Variants in KCNJ3 observed in about 807,000 individuals in gnomAD.
KCNJ3 encodes potassium inwardly rectifying channel subfamily J member 3, also known as G protein-activated inward rectifier potassium channel 1.
Under a neutral mutation model 39.2 loss-of-function variants are expected in KCNJ3, and 4 were observed. The observed-to-expected ratio is 0.10, with a 90% confidence interval of 0.05 to 0.23. The LOEUF (loss-of-function observed/expected upper bound fraction) is 0.23. Among genes scored for constraint, KCNJ3 ranks in the 10% least tolerant of loss-of-function variants. The probability of loss-of-function intolerance (pLI) is 1.00; values close to 1 mark genes in which losing one functional copy is unlikely to be tolerated. For missense variants in KCNJ3, 276 were observed against 634.9 expected, an observed-to-expected ratio of 0.43 and a Z score of 6.08; for synonymous variants, 230 against 237.4, an observed-to-expected ratio of 0.97 and a Z score of 0.29.
intron 2 of KCNJ3, among the ~76,000 whole-genome samples, chr2:154,725,258 T>C (rs1033890184): frequency 1.3e-5 from 2 of 150,246 alleles, no homozygotes; most frequent in African/African-American, 4.9e-5. Context: ...TCCAAACTTC[T>C]CTTCTATAGA....
chr2:154,743,922 T>C (rs1370512489), intron 2 of KCNJ3, among the ~76,000 whole-genome samples: 1 of 151,592 alleles, frequency 6.6e-6, no homozygotes, highest in East Asian at 1.9e-4. Context: ...TTCTCTATCT[T>C]AAAAAGCAGC....
At chr2:154,834,601 C>G (rs1687417100) in intron 2 of KCNJ3, among the ~76,000 whole-genome samples, 1 of 151,770 alleles carries the variant, frequency 6.6e-6, no homozygotes, top group Admixed American at 6.6e-5. Flanking sequence ...TGGTGGCGGG[C>G]GCCTGTAATC....
intron 2 of KCNJ3, among the ~76,000 whole-genome samples, chr2:154,735,207 C>T (rs1048338963): frequency 1.3e-5 from 2 of 152,002 alleles, no homozygotes; most frequent in African/African-American, 4.8e-5. Flanking sequence ...CTGCCTCACC[C>T]TCCTGAGTAG....
At chr2:154,709,244 AT>A (rs1248819333) in intron 1 of KCNJ3, 2 of 222,744 alleles carry the variant, frequency 9.0e-6, no homozygotes, top group Non-Finnish European at 1.8e-5. Flanking sequence ...GAGAAAAAAA[AT>A]ATCTGGCATG....
intron 2 of KCNJ3, among the ~76,000 whole-genome samples, chr2:154,727,611 G>GAAAAAAAAAT (rs1558857832): frequency 8.3e-6 from 1 of 120,368 alleles, no homozygotes; most frequent in Non-Finnish European, 1.6e-5. Flanking sequence ...AAAAAAAAAA[G>GAAAAAAAAAT]AGAGAAAAAG....
chr2:154,738,244 T>C (rs1296094778), intron 2 of KCNJ3, among the ~76,000 whole-genome samples: 1 of 151,900 alleles, frequency 6.6e-6, no homozygotes, highest in African/African-American at 2.4e-5. Context: ...CTCAAGGAGA[T>C]AGAGAGCAGA....
At chr2:154,790,379 T>C (rs1483406468) in intron 2 of KCNJ3, among the ~76,000 whole-genome samples, 1 of 152,100 alleles carries the variant, frequency 6.6e-6, no homozygotes, top group Non-Finnish European at 1.5e-5. Flanking sequence ...GTTGTTTTTC[T>C]AACGGTATTG....
intron 2 of KCNJ3, among the ~76,000 whole-genome samples, chr2:154,787,966 T>C (rs1159164342): frequency 1.3e-5 from 2 of 152,162 alleles, no homozygotes; most frequent in Non-Finnish European, 2.9e-5. Flanking sequence ...AAAAACTCTT[T>C]GATGAGACAG....
intron 2 of KCNJ3, among the ~76,000 whole-genome samples, chr2:154,766,984 G>A (rs572598728): frequency 3.1e-4 from 47 of 151,974 alleles, no homozygotes; most frequent in African/African-American, 1.1e-3. Flanking sequence ...TTAATATCTA[G>A]ATATTAATAC....
At chr2:154,767,266 A>G (rs960176536) in intron 2 of KCNJ3, among the ~76,000 whole-genome samples, 6 of 151,928 alleles carry the variant, frequency 3.9e-5, no homozygotes, top group Non-Finnish European at 7.4e-5. Flanking sequence ...TACATGTGCC[A>G]TGTTGGTGTG....
chr2:154,801,966 C>T (rs1686827618), intron 2 of KCNJ3, among the ~76,000 whole-genome samples: 1 of 152,112 alleles, frequency 6.6e-6, no homozygotes, highest in African/African-American at 2.4e-5. Flanking sequence ...AAACAAAACA[C>T]AACAACAACA....
rs749340043 is a variant in KCNJ3, at chr2:154,854,676, C to T, written c.920-51C>T. 2.5e-5 allele frequency: 35 copies of T among 1,392,476 alleles called. No individual in the cohort carries two copies. In the South Asian group the frequency reaches 4.5e-4, roughly 18 times the overall value. 86.3% of individuals were successfully genotyped at this position (1,392,476 alleles called of 1,614,324 possible). A position where few individuals can be genotyped will look rare whatever the true frequency, so the allele number is the denominator to read the frequency against. On this transcript the variant is annotated intron_variant, in intron 2 of 2. Coordinates refer to ENST00000295101, the MANE Select transcript of KCNJ3 (RefSeq NM_002239.4). ...AATTATTTAGGCCAAACCGGCTTTA[C>T]ATGTGCTTCCACTATGCATAATTTA...
chr2:154,747,018 G>C (rs1685756677), intron 2 of KCNJ3, among the ~76,000 whole-genome samples: 2 of 151,764 alleles, frequency 1.3e-5, no homozygotes, highest in South Asian at 4.1e-4. Context: ...AAAGAACAGG[G>C]AAGTCCCATT....
chr2:154,781,291 G>A (rs950662305), intron 2 of KCNJ3, among the ~76,000 whole-genome samples: 2 of 152,160 alleles, frequency 1.3e-5, no homozygotes, highest in Non-Finnish European at 2.9e-5. Context: ...TAAGTTTGTG[G>A]TAATTTGTTA....
chr2:154,755,782 A>T (rs1271430677), intron 2 of KCNJ3, among the ~76,000 whole-genome samples: 1 of 152,070 alleles, frequency 6.6e-6, no homozygotes, highest in Non-Finnish European at 1.5e-5. Flanking sequence ...TAGAAAATGT[A>T]ACAAATAATT....
intron 2 of KCNJ3, among the ~76,000 whole-genome samples, chr2:154,733,363 A>T (rs74486227): frequency 6.6e-6 from 1 of 152,122 alleles, no homozygotes; most frequent in Non-Finnish European, 1.5e-5. Flanking sequence ...ATGAACATTT[A>T]TAATAAACAG....
chr2:154,756,771 A>G (rs1685944439), intron 2 of KCNJ3, among the ~76,000 whole-genome samples: 1 of 152,066 alleles, frequency 6.6e-6, no homozygotes, highest in South Asian at 2.1e-4. Context: ...AAAAATAAAT[A>G]AAATAAAATA....
chr2:154,815,074 C>T (rs971216179), intron 2 of KCNJ3, among the ~76,000 whole-genome samples: 2 of 152,146 alleles, frequency 1.3e-5, no homozygotes, highest in African/African-American at 2.4e-5. Flanking sequence ...AATAGCTGCT[C>T]CTATCCCTAG....
chr2:154,727,708 T>C (rs982550133), intron 2 of KCNJ3, among the ~76,000 whole-genome samples: 1 of 151,646 alleles, frequency 6.6e-6, no homozygotes, highest in African/African-American at 2.4e-5. Context: ...GTTAAAAAAA[T>C]TGCTTAGATT....
Sources: allele counts gnomAD v4.1 joint callset (sites outside exome capture counted in the v4.1 genomes callset), GRCh38; gene constraint gnomAD v4.1.1; transcripts MANE v1.5; gene names NCBI Gene and HGNC (gene_info 2026-07-23, HGNC 2026-07-21).